KCNT2: variants seen among roughly 807,000 people sequenced by gnomAD.
The protein encoded by KCNT2 is potassium channel subfamily T member 2.
Under a neutral mutation model 153.8 loss-of-function variants are expected in KCNT2, and 67 were observed. That is an observed-to-expected ratio of 0.44 (90% confidence interval 0.36 to 0.53). KCNT2 has a LOEUF of 0.53. KCNT2 is among the 20% of genes least tolerant of loss of function. The pLI is 0.00. For missense variants in KCNT2, 975 were observed against 1,354.8 expected (o/e 0.72, Z 4.40); for synonymous variants, 500 against 458.8 (o/e 1.09, Z -1.15).
intron 14 of KCNT2, among the ~76,000 whole-genome samples, chr1:196,342,835 C>A (rs1478009811): frequency 6.6e-6 from 1 of 152,050 alleles, no homozygotes; most frequent in Non-Finnish European, 1.5e-5. Flanking sequence ...ATGTAAGGAT[C>A]TCTCCAACTA....
intron 1 of KCNT2, among the ~76,000 whole-genome samples, chr1:196,574,740 G>C (rs1467759815): frequency 2.0e-5 from 3 of 151,894 alleles, no homozygotes; most frequent in African/African-American, 7.2e-5. Context: ...AGCTATTATA[G>C]ATAAATTATA....
At chr1:196,416,119 T>C (rs766829237) in intron 12 of KCNT2, among the ~76,000 whole-genome samples, 7 of 150,762 alleles carry the variant, frequency 4.6e-5, no homozygotes, top group Non-Finnish European at 1.0e-4. Context: ...ATTCACACTA[T>C]ATATGCTTCC....
chr1:196,314,579 A>G (rs1662520487), intron 21 of KCNT2, among the ~76,000 whole-genome samples: 1 of 151,706 alleles, frequency 6.6e-6, no homozygotes, highest in African/African-American at 2.4e-5. Context: ...AATTCAGTGT[A>G]GATTTTCCAG....
intron 4 of KCNT2, among the ~76,000 whole-genome samples, chr1:196,481,434 T>G (rs1679014605): frequency 1.3e-5 from 2 of 152,130 alleles, no homozygotes; most frequent in Admixed American, 1.3e-4. Flanking sequence ...AGTAATAACA[T>G]TGCACTTGTA....
chr1:196,461,639 T>C (rs963731150), intron 8 of KCNT2, among the ~76,000 whole-genome samples: 1 of 151,722 alleles, frequency 6.6e-6, no homozygotes, highest in Non-Finnish European at 1.5e-5. Flanking sequence ...GATGCTCCAG[T>C]TTACTCTGCT....
At chr1:196,512,446 T>G (rs902075192) in intron 1 of KCNT2, among the ~76,000 whole-genome samples, 1 of 152,160 alleles carries the variant, frequency 6.6e-6, no homozygotes, top group Non-Finnish European at 1.5e-5. Flanking sequence ...GAAACTTAAA[T>G]TCCTTGTTCT....
intron 26 of KCNT2, among the ~76,000 whole-genome samples, chr1:196,243,900 AC>A (rs562678213): frequency 9.5e-4 from 144 of 151,840 alleles, no homozygotes; most frequent in African/African-American, 3.2e-3. Flanking sequence ...CCTCCCCCAA[AC>A]CCAGGCGGTG....
chr1:196,306,294 A>T (rs2147983088), intron 21 of KCNT2, among the ~76,000 whole-genome samples: 1 of 152,260 alleles, frequency 6.6e-6, no homozygotes, highest in Admixed American at 6.5e-5. Context: ...AACTGACTGC[A>T]AATATGCAGA....
At chr1:196,352,170 T>C (rs898460203) in intron 14 of KCNT2, among the ~76,000 whole-genome samples, 1 of 152,016 alleles carries the variant, frequency 6.6e-6, no homozygotes, top group African/African-American at 2.4e-5. Flanking sequence ...AATTCTCTTT[T>C]TTGGTTGTGT....
rs2148116332 is a variant in KCNT2, at chr1:196,333,786, A to C, written c.1997+61T>G. ...ACCTATTGGGAAGGTATGTAAAGAAAATACTTAAGGACATTAGCACAAAAC... is the reference window on the plus strand; with the variant it reads ...ACCTATTGGGAAGGTATGTAAAGAACATACTTAAGGACATTAGCACAAAAC... On this transcript the variant is annotated intron_variant, in intron 17 of 27. Coordinates refer to ENST00000294725, the MANE Select transcript of KCNT2 (RefSeq NM_198503.5). 3.7e-5 allele frequency: 36 copies of C among 985,718 alleles called. No individual in the cohort carries two copies. In the South Asian group the frequency reaches 4.7e-4, roughly 13 times the overall value. 61.1% of individuals were successfully genotyped at this position (985,718 alleles called of 1,614,324 possible).
At chr1:196,594,847 A>G (rs1483637637) in intron 1 of KCNT2, among the ~76,000 whole-genome samples, 1 of 152,162 alleles carries the variant, frequency 6.6e-6, no homozygotes, top group African/African-American at 2.4e-5. Flanking sequence ...AAATACACAG[A>G]TCAAATTTCA....
chr1:196,408,477 T>C (rs915918698), intron 12 of KCNT2, among the ~76,000 whole-genome samples: 2 of 151,638 alleles, frequency 1.3e-5, no homozygotes, highest in African/African-American at 4.8e-5. Context: ...ACTTTCAAAG[T>C]CCATAATTAT....
At chr1:196,282,865 G>C (rs934378859) in intron 23 of KCNT2, among the ~76,000 whole-genome samples, 1 of 152,022 alleles carries the variant, frequency 6.6e-6, no homozygotes, top group Non-Finnish European at 1.5e-5. Context: ...ATTTATTTGA[G>C]ACAGAGTCTT....
intron 23 of KCNT2, 97 bp from the exon 24 acceptor site, chr1:196,282,453 A>G (rs1659202494): frequency 3.4e-6 from 2 of 592,644 alleles, no homozygotes; most frequent in South Asian, 2.7e-5. Flanking sequence ...TCTGACTTCT[A>G]AAAGATTATT....
chr1:196,238,981 T>A (rs890785974), intron 26 of KCNT2, among the ~76,000 whole-genome samples: 7 of 151,996 alleles, frequency 4.6e-5, no homozygotes, highest in African/African-American at 1.7e-4. Context: ...CTAGATATTC[T>A]TTCATTCTGG....
chr1:196,592,628 A>G (rs891187407), intron 1 of KCNT2, among the ~76,000 whole-genome samples: 9 of 147,132 alleles, frequency 6.1e-5, no homozygotes, highest in African/African-American at 2.2e-4. Flanking sequence ...ATGCTTCCTA[A>G]CCATATATAT....
Position 196,334,044 on chromosome 1 carries a change from G to T in KCNT2, c.1800C>A (p.Asp600Glu). 6.2e-7 allele frequency: 1 copy of T among 1,612,560 alleles called. No homozygotes were observed. The highest frequency in any genetic ancestry group is 8.5e-7 in the Non-Finnish European group (1 of 1,179,086). Residue 600 changes from aspartate (D) to glutamate (E), a missense_variant, in exon 17 of 28, where the codon GAC becomes GAA. Coordinates refer to ENST00000294725, the MANE Select transcript of KCNT2 (RefSeq NM_198503.5). ...IIASMGTVAIDLQDTSCRSAS... is the reference protein window; with the variant it reads ...IIASMGTVAIELQDTSCRSAS... The stretch of plus-strand genomic sequence containing the variant: ...CTGATCTACAGCTTGTATCTTGCAA[G>T]TCTATAGCCACAGTACCTAAAACAA...
chr1:196,463,626 C>T lies in KCNT2; in HGVS notation c.638+1667G>A, dbSNP rs777280453. Among the ~76,000 whole-genome samples, 2 of 151,526 alleles carry T rather than the reference C, an allele frequency of 1.3e-5. 1 individual carries two copies. The highest frequency in any genetic ancestry group is 6.8e-3 in the Middle Eastern group (2 of 294). ...CACACACAAGACACACACAAAACAACAAAACAATAACTATTATACCAAATA... is the reference window on the plus strand; with the variant it reads ...CACACACAAGACACACACAAAACAATAAAACAATAACTATTATACCAAATA... On this transcript the variant is annotated intron_variant, in intron 8 of 27. Transcript: ENST00000294725.
chr1:196,261,547 G>T (rs1272985310), intron 25 of KCNT2, among the ~76,000 whole-genome samples: 1 of 151,860 alleles, frequency 6.6e-6, no homozygotes, highest in African/African-American at 2.4e-5. Flanking sequence ...ATTATGATGG[G>T]TATGTAAAAA....
Sources: gnomAD v4.1 joint callset for allele counts (sites outside exome capture counted in the v4.1 genomes callset) on GRCh38, gnomAD v4.1.1 for gene constraint, MANE v1.5 for transcripts, NCBI Gene and HGNC (gene_info 2026-07-23, HGNC 2026-07-21) for gene names.